Variants in TRRAP observed in about 807,000 individuals in gnomAD.
TRRAP encodes transformation/transcription domain-associated protein.
TRRAP carries 41 observed loss-of-function variants against 438.8 expected under a neutral mutation model. That is an observed-to-expected ratio of 0.09 (90% confidence interval 0.07 to 0.12). TRRAP has a LOEUF of 0.12. Among genes scored for constraint, TRRAP ranks in the 10% least tolerant of loss-of-function variants. The pLI is 1.00. For synonymous variants in TRRAP, 1,994 were observed against 1,962.9 expected (o/e 1.02, Z -0.42); for missense variants, 3,122 against 5,055.1 (o/e 0.62, Z 11.60).
intron 30 of TRRAP, among the ~76,000 whole-genome samples, chr7:98,941,032 C>A (rs988310378): frequency 6.6e-6 from 1 of 152,136 alleles, no homozygotes; most frequent in Admixed American, 6.5e-5. Context: ...TTAGCTCTTA[C>A]ATTTAGGTCT....
Position 99,013,035 on chromosome 7 carries a change from G to A in TRRAP, c.*680G>A, listed in dbSNP as rs1467392990. On this transcript the variant is annotated 3_prime_UTR_variant, in exon 73 of 73. Coordinates refer to ENST00000456197, the MANE Select transcript of TRRAP (RefSeq NM_001375524.1). ...CTGTGCTTTTTATTTCTGGCTCTTC[G>A]GATGTCTTCTAGACATTTACTATCA... 1 of 152,200 alleles carries A rather than the reference G, an allele frequency of 6.6e-6. No individual in the cohort carries two copies. The highest frequency in any genetic ancestry group is 2.4e-5 in the African/African-American group (1 of 41,458). 9.4% of individuals were successfully genotyped at this position (152,200 alleles called of 1,614,324 possible). A position where few individuals can be genotyped will look rare whatever the true frequency, so the allele number is the denominator to read the frequency against.
At chr7:98,965,988 AT>A (rs2116687083) in intron 49 of TRRAP, 93 bp downstream of exon 49, 1 of 1,433,320 alleles carries the variant, frequency 7.0e-7, no homozygotes, top group Non-Finnish European at 9.6e-7. Context: ...GAAGCAAAAC[AT>A]TTTTTTCTGC....
intron 23 of TRRAP, among the ~76,000 whole-genome samples, chr7:98,928,446 T>C (rs1790154108): frequency 6.6e-6 from 1 of 152,208 alleles, no homozygotes; most frequent in African/African-American, 2.4e-5. Context: ...CCCCTTTAAC[T>C]TTTCTTGGCC....
At chr7:98,988,380 A>T (rs1323200439) in intron 62 of TRRAP, among the ~76,000 whole-genome samples, 2 of 152,238 alleles carry the variant, frequency 1.3e-5, no homozygotes, top group Non-Finnish European at 2.9e-5. Flanking sequence ...TGAACAGATA[A>T]ACAAAATGTT....
chr7:98,895,527 A>G (rs1361113500), intron 6 of TRRAP, among the ~76,000 whole-genome samples: 3 of 151,968 alleles, frequency 2.0e-5, no homozygotes, highest in African/African-American at 7.3e-5. Context: ...ATTTATTTTA[A>G]TTTTCAACTC....
rs1791648198 is a variant in TRRAP at position 98,956,985 on chromosome 7, G to A, written c.6231+452G>A. ...GGTGTCATGGACCTGCTGGCTTGTGGACGCAGGCCTGGCCACCCTACTTCT... is the reference window on the plus strand; with the variant it reads ...GGTGTCATGGACCTGCTGGCTTGTGAACGCAGGCCTGGCCACCCTACTTCT... On this transcript the variant is annotated intron_variant, in intron 43 of 72. Transcript: ENST00000456197. This position sits in a 1 kb window ranked among gnomAD's most constrained non-coding sequence, Gnocchi z 4.5. Among the ~76,000 whole-genome samples the A allele has an allele frequency of 6.6e-6, 1 of 152,052 alleles. No homozygotes were observed. The highest frequency in any genetic ancestry group is 1.5e-5 in the Non-Finnish European group (1 of 68,014).
intron 51 of TRRAP, among the ~76,000 whole-genome samples, chr7:98,969,104 C>T (rs1047492310): frequency 1.3e-5 from 2 of 152,226 alleles, no homozygotes; most frequent in African/African-American, 4.8e-5. Flanking sequence ...GACGATGGAA[C>T]CATTTCCGTA....
intron 47 of TRRAP, among the ~76,000 whole-genome samples, chr7:98,963,671 C>T (rs1322510763): frequency 6.6e-6 from 1 of 152,190 alleles, no homozygotes; most frequent in Non-Finnish European, 1.5e-5. Context: ...GGGTTACAAC[C>T]AGACTGGTCT....
At chr7:98,899,005 T>G (rs1554406209) in intron 8 of TRRAP, among the ~76,000 whole-genome samples, 1 of 152,124 alleles carries the variant, frequency 6.6e-6, no homozygotes, top group African/African-American at 2.4e-5. Context: ...CTGGCCAACA[T>G]GGCAAAACCG....
chr7:98,973,371 A>G (rs941825809), intron 53 of TRRAP, among the ~76,000 whole-genome samples: 11 of 152,188 alleles, frequency 7.2e-5, no homozygotes, highest in African/African-American at 2.7e-4. Context: ...ACACATCACC[A>G]CGTCATCAGG....
Position 98,908,731 on chromosome 7 carries a change from C to G in TRRAP, c.1119C>G (p.Pro373=), listed in dbSNP as rs529828870. 63 of 1,548,470 alleles carry G rather than the reference C, an allele frequency of 4.1e-5. No individual in the cohort carries two copies. In the South Asian group the frequency reaches 7.5e-4, roughly 18 times the overall value. Residue 373 remains proline (P), a synonymous_variant, in exon 14 of 73, where the codon CCC becomes CCG. Transcript: ENST00000456197. This position sits in a 1 kb window ranked among gnomAD's most constrained non-coding sequence, Gnocchi z 4.1. ...TAGTCGAGGTCTCTGCCCGCAGGCC[C>G]CTCGCCTACAGCACGCTGGCCGACC... The part of the protein sequence containing the change: ...SGYTARETLR[P]LAYSTLADLV...
intron 37 of TRRAP, 104 bp downstream of exon 37, chr7:98,949,945 C>T (rs1273124635): frequency 1.9e-6 from 3 of 1,565,252 alleles, no homozygotes; most frequent in Non-Finnish European, 2.6e-6. Context: ...TGGATGCGTG[C>T]AGTCAGATTG....
chr7:98,982,667 T>C (rs1792985140), intron 59 of TRRAP, among the ~76,000 whole-genome samples: 1 of 152,186 alleles, frequency 6.6e-6, no homozygotes, highest in Non-Finnish European at 1.5e-5. Context: ...GCCAGGGCCT[T>C]CCAGGTGAGA....
intron 21 of TRRAP, among the ~76,000 whole-genome samples, chr7:98,922,178 C>G (rs183325736): frequency 1.2e-3 from 183 of 152,220 alleles, no homozygotes; most frequent in African/African-American, 4.2e-3. Flanking sequence ...CTCCTGGTGA[C>G]CAAGAGGAGA....
At chr7:99,002,842 G>A (rs1299555408) in intron 67 of TRRAP, among the ~76,000 whole-genome samples, 8 of 152,202 alleles carry the variant, frequency 5.3e-5, no homozygotes, top group Non-Finnish European at 7.3e-5. Flanking sequence ...GTTATCACGC[G>A]TGGGCAGGGA....
intron 29 of TRRAP, among the ~76,000 whole-genome samples, 178 bp downstream of exon 29, chr7:98,937,455 T>C (rs1362889313): frequency 3.3e-5 from 5 of 152,272 alleles, no homozygotes; most frequent in Non-Finnish European, 5.9e-5. Flanking sequence ...ATAGTCATAC[T>C]GAGTTTTTTA....
rs777295545 is a variant in TRRAP, at chr7:98,967,590, T to C, written c.7404T>C (p.Val2468=). ...TCATCAGGGCAAAGTTTTTCGAGGTTTTTGACAACTCCATGAAACGTCGTG... is the reference window on the plus strand; with the variant it reads ...TCATCAGGGCAAAGTTTTTCGAGGTCTTTGACAACTCCATGAAACGTCGTG... ...QPLIRAKFFE[V]FDNSMKRRVY... The change falls in exon 51 of 73, where the codon GTT becomes GTC. Residue 2468 remains valine (V), a synonymous_variant. Transcript: ENST00000456197. 6.2e-7 allele frequency: 1 copy of C among 1,614,106 alleles called. No homozygotes were observed. Among genetic ancestry groups the C allele is most frequent in the South Asian group, 1.1e-5 (1 of 91,074 alleles).
At position 98,984,352 on chromosome 7, in the gene TRRAP, C is replaced by A; in HGVS notation, c.9282C>A (p.Cys3094Ter). 1 of 1,578,838 alleles carries A rather than the reference C, an allele frequency of 6.3e-7. No homozygotes were observed. The highest frequency in any genetic ancestry group is 1.2e-5 in the South Asian group (1 of 83,992). ...QLAGVMGKNE[C>*]MQGLEVIEST... is the part of the protein sequence containing the mutation. The stretch of plus-strand genomic sequence containing the variant: ...CAGGCGTCATGGGCAAAAACGAGTG[C>A]ATGCAGGTGCGGACAGGACACTTGA... The change falls in exon 61 of 73, where the codon TGC (cysteine) becomes TGA (stop). Residue 3094 changes from cysteine (C) to a stop codon, truncating the protein, a stop_gained. Transcript: ENST00000456197. LOFTEE classifies it high-confidence loss of function.
chr7:99,012,506 G>C lies in TRRAP; in HGVS notation c.*151G>C. 1.1e-6 allele frequency: 1 copy of C among 950,672 alleles called. No homozygotes were observed. The highest frequency in any genetic ancestry group is 1.5e-6 in the Non-Finnish European group (1 of 657,284). 58.9% of individuals were successfully genotyped at this position (950,672 alleles called of 1,614,324 possible). A position where few individuals can be genotyped will look rare whatever the true frequency, so the allele number is the denominator to read the frequency against. ...TATTTTCCTGGTAGTTTGCGTGTAA[G>C]AAAGGGAGAATATAGTTTTAGAGGA... On this transcript the variant is annotated 3_prime_UTR_variant, in exon 73 of 73. Coordinates refer to ENST00000456197, the MANE Select transcript of TRRAP (RefSeq NM_001375524.1). This position sits in a 1 kb window ranked among gnomAD's most constrained non-coding sequence, Gnocchi z 5.9.
Sources: allele counts gnomAD v4.1 joint callset (sites outside exome capture counted in the v4.1 genomes callset), GRCh38; gene constraint gnomAD v4.1.1; non-coding constraint Gnocchi (gnomAD v3.1); transcripts MANE v1.5; gene names NCBI Gene and HGNC (gene_info 2026-07-23, HGNC 2026-07-21).